MTUS1: variants seen among roughly 807,000 people sequenced by gnomAD.
MTUS1 encodes microtubule associated scaffold protein 1.
A neutral mutation model predicts 120.8 loss-of-function variants in MTUS1; 109 were observed. The observed-to-expected ratio is 0.90, with a 90% CI of 0.77 to 1.06. MTUS1 has a LOEUF of 1.06. MTUS1 is among the 50% of genes least tolerant of loss of function. The pLI, the probability that MTUS1 is intolerant of heterozygous loss-of-function variation, is 0.00. For missense variants in MTUS1, 2,210 were observed against 1,486.3 expected, an observed-to-expected ratio of 1.49 and a Z score of -8.01; for synonymous variants, 737 against 550.5, an observed-to-expected ratio of 1.34 and a Z score of -4.74.
intron 1 of MTUS1, among the ~76,000 whole-genome samples, chr8:17,783,893 C>T (rs1331282990): frequency 6.6e-6 from 1 of 152,126 alleles, no homozygotes; most frequent in Non-Finnish European, 1.5e-5. Flanking sequence ...TTCCCAAAGA[C>T]CTATGGGCCC....
chr8:17,659,594 T>G lies in MTUS1; in HGVS notation c.2906-3529A>C, dbSNP rs1392473341. Among the ~76,000 whole-genome samples the G allele has an allele frequency of 3.3e-5, 5 of 152,126 alleles. No homozygotes were observed. In the East Asian group the frequency reaches 7.8e-4, roughly 24 times the overall value. ...CTGTAGTCCCAGCTACTCAGCAGGC[T>G]GAGTGAGGCAGGAGAATCGCTTGAA... On this transcript the variant is annotated intron_variant, in intron 8 of 14. Transcript: ENST00000693296.
chr8:17,650,471 CA>C (rs1174604997), intron 12 of MTUS1, among the ~76,000 whole-genome samples: 1 of 152,172 alleles, frequency 6.6e-6, no homozygotes, highest in Non-Finnish European at 1.5e-5. Context: ...CTAGGGCAGA[CA>C]TAATACTATC....
chr8:17,734,788 C>T (rs1391729909), intron 3 of MTUS1, among the ~76,000 whole-genome samples: 3 of 152,164 alleles, frequency 2.0e-5, no homozygotes, highest in Non-Finnish European at 4.4e-5. Context: ...CTAATAATGC[C>T]TGATAAGAAC....
intron 6 of MTUS1, among the ~76,000 whole-genome samples, chr8:17,694,628 A>C (rs1200311251): frequency 6.6e-6 from 1 of 152,138 alleles, no homozygotes; most frequent in Non-Finnish European, 1.5e-5. Context: ...AGACAGCACC[A>C]GTGCACTCCA....
chr8:17,786,214 G>A (rs868843933), intron 1 of MTUS1, among the ~76,000 whole-genome samples: 4 of 152,212 alleles, frequency 2.6e-5, no homozygotes, highest in South Asian at 4.2e-4. Context: ...TTCTTGCAAT[G>A]GAAGCCACAT....
intron 1 of MTUS1, among the ~76,000 whole-genome samples, chr8:17,767,535 A>T (rs1444615431): frequency 7.6e-6 from 1 of 131,832 alleles, no homozygotes; most frequent in East Asian, 2.1e-4. Flanking sequence ...CATCTCTTTA[A>T]AAAAAAAAAA....
chr8:17,699,301 T>C (rs1818567918), intron 6 of MTUS1, among the ~76,000 whole-genome samples: 1 of 152,198 alleles, frequency 6.6e-6, no homozygotes, highest in African/African-American at 2.4e-5. Context: ...CACTGCAATC[T>C]CTGCCTCCCG....
intron 1 of MTUS1, among the ~76,000 whole-genome samples, chr8:17,767,002 T>C (rs1221516730): frequency 1.3e-5 from 2 of 152,084 alleles, no homozygotes; most frequent in Non-Finnish European, 2.9e-5. Context: ...ATATGACCAG[T>C]ATATAATAAG....
At chr8:17,691,150 C>T (rs752475918) in intron 6 of MTUS1, among the ~76,000 whole-genome samples, 13 of 152,134 alleles carry the variant, frequency 8.5e-5, no homozygotes, top group Non-Finnish European at 1.6e-4. Context: ...AACTCTAAAC[C>T]GTAATTTATT....
chr8:17,656,889 C>A (rs981705598), intron 8 of MTUS1, among the ~76,000 whole-genome samples: 66 of 150,532 alleles, frequency 4.4e-4, no homozygotes, highest in South Asian at 2.1e-4. Context: ...GAAACCCTGT[C>A]TCTACTAAAA....
intron 3 of MTUS1, among the ~76,000 whole-genome samples, chr8:17,737,949 G>A (rs2047048020): frequency 6.6e-6 from 1 of 152,130 alleles, no homozygotes; most frequent in African/African-American, 2.4e-5. Context: ...AAGAAGATTT[G>A]AAATTACCTT....
At chr8:17,652,787 G>A (rs1176381743) in intron 12 of MTUS1, among the ~76,000 whole-genome samples, 1 of 150,022 alleles carries the variant, frequency 6.7e-6, no homozygotes, top group Admixed American at 6.7e-5. Context: ...AGTGAGCCGA[G>A]ATCACGCCAC....
At position 17,646,477 on chromosome 8, in the gene MTUS1, A is replaced by G. The variant is rs1288809485; in HGVS notation, c.3600-338T>C. The stretch of plus-strand genomic sequence containing the variant: ...GTGACATGTGCCTGTAGTCCCAGCT[A>G]CTCAGGAGGCTGAGGTGGGAGGACT... On this transcript the variant is annotated intron_variant, in intron 14 of 14. Coordinates refer to ENST00000693296, the MANE Select transcript of MTUS1 (RefSeq NM_001363059.2). 2.0e-5 allele frequency among the ~76,000 whole-genome samples: 3 copies of G among 152,114 alleles called. No individual in the cohort carries two copies. In the East Asian group the frequency reaches 5.8e-4, roughly 29 times the overall value.
intron 3 of MTUS1, among the ~76,000 whole-genome samples, chr8:17,741,959 C>T (rs1586088005): frequency 2.6e-5 from 4 of 152,302 alleles, no homozygotes; most frequent in African/African-American, 7.2e-5. Flanking sequence ...AAACACAGGG[C>T]TCCTAACTGC....
chr8:17,799,939 GAA>G (rs55838213), intron 1 of MTUS1, among the ~76,000 whole-genome samples: 2 of 144,194 alleles, frequency 1.4e-5, no homozygotes, highest in African/African-American at 2.5e-5. Context: ...TATTGCCTAT[GAA>G]AAAAAAAAAA....
intron 1 of MTUS1, chr8:17,800,857 C>T (rs1324603361): frequency 1.3e-5 from 2 of 152,608 alleles, no homozygotes; most frequent in African/African-American, 2.4e-5. Flanking sequence ...GTCCCTTCCG[C>T]AGGCTCTGCG....
intron 3 of MTUS1, among the ~76,000 whole-genome samples, chr8:17,734,837 G>A (rs1480775774): frequency 6.6e-6 from 1 of 152,162 alleles, no homozygotes; most frequent in East Asian, 1.9e-4. Context: ...CTCATTAGGA[G>A]TCAAGGTTTA....
Position 17,753,989 on chromosome 8 carries a change from C to G in MTUS1, c.1819G>C (p.Ala607Pro), listed in dbSNP as rs368240855. 177 of 1,614,086 alleles carry G rather than the reference C, an allele frequency of 1.1e-4. No individual in the cohort carries two copies. Among genetic ancestry groups the G allele is most frequent in the Non-Finnish European group, 1.4e-4 (165 of 1,180,052 alleles). The stretch of plus-strand genomic sequence containing the variant: ...ACATCTTCCTGATTCGATTTCACGG[C>G]AGATGTTGTTCTTGGAACCCTGTGT... The part of the protein sequence containing the change: ...ASHRVPRTTS[A>P]VKSNQEDVDK... The change falls in exon 2 of 15, where the codon GCC becomes CCC. Residue 607 changes from alanine to proline, a missense_variant. Ala to Pro is a conservative substitution (Grantham distance 27). Coordinates refer to ENST00000693296, the MANE Select transcript of MTUS1 (RefSeq NM_001363059.2).
At chr8:17,705,117 G>C (rs969823667) in intron 6 of MTUS1, among the ~76,000 whole-genome samples, 1 of 152,084 alleles carries the variant, frequency 6.6e-6, no homozygotes, top group Non-Finnish European at 1.5e-5. Context: ...TGAGTGCTGG[G>C]ACTACAAGTG....
Sources: allele counts gnomAD v4.1 joint callset (sites outside exome capture counted in the v4.1 genomes callset), GRCh38; gene constraint gnomAD v4.1.1; transcripts MANE v1.5; gene names NCBI Gene and HGNC (gene_info 2026-07-23, HGNC 2026-07-21).